The following FCRL4 variants were observed in gnomAD, a reference collection of about 807,000 sequenced individuals.
FCRL4 encodes the protein Fc receptor-like protein 4.
In FCRL4, 43 loss-of-function variants were observed where a neutral mutation model predicts 64.1. The observed-to-expected ratio is 0.67, with a 90% CI of 0.53 to 0.87. The LOEUF (loss-of-function observed/expected upper bound fraction) is 0.87. Ranked by LOEUF, FCRL4 falls within the 40% of genes least tolerant of loss-of-function variation. The probability of loss-of-function intolerance (pLI) is 0.00; values close to 1 mark genes in which losing one functional copy is unlikely to be tolerated. For missense variants in FCRL4, 656 were observed against 613.5 expected, an observed-to-expected ratio of 1.07 and a Z score of -0.73; for synonymous variants, 253 against 239.8, an observed-to-expected ratio of 1.05 and a Z score of -0.51.
chr1:157,580,872 G>T (rs1439298398), intron 7 of FCRL4, among the ~76,000 whole-genome samples: 1 of 152,228 alleles, frequency 6.6e-6, no homozygotes, highest in African/African-American at 2.4e-5. Flanking sequence ...AAAAGGTTCT[G>T]CTCCTGTCTT....
rs72007539 is a variant in FCRL4, at chr1:157,585,344, C to CTTTCTTTCTTTCTTTCTT, written c.1135+823_1135+824insAAGAAAGAAAGAAAGAAA. Among the ~76,000 whole-genome samples, 4 of 81,318 alleles carry CTTTCTTTCTTTCTTTCTT rather than the reference C, an allele frequency of 4.9e-5. 1 individual carries two copies. Among genetic ancestry groups the CTTTCTTTCTTTCTTTCTT allele is most frequent in the African/African-American group, 8.8e-5 (2 of 22,778 alleles). The allele number at this position is 81,318 out of a possible 152,430, so 53.3% of individuals were successfully genotyped here. On this transcript the variant is annotated intron_variant, in intron 6 of 11. Coordinates refer to ENST00000271532, the MANE Select transcript of FCRL4 (RefSeq NM_031282.3). ...CTTCCTTCTCTCTTTCTTTCTCTCT[C>CTTTCTTTCTTTCTTTCTT]TCTTTCTTTCTTTCTTTCTTTCTTT...
chr1:157,596,349 C>A lies in FCRL4; in HGVS notation c.32-1G>T. The stretch of plus-strand genomic sequence containing the variant: ...TTACCAGATTGTCCACAGACTGGAG[C>A]TGAAAGAGAGTAAAGAGCCAGCCAT... On this transcript the variant is annotated splice_acceptor_variant, in intron 1 of 11. Coordinates refer to ENST00000271532, the MANE Select transcript of FCRL4 (RefSeq NM_031282.3). LOFTEE classifies it high-confidence loss of function. 6.2e-7 allele frequency: 1 copy of A among 1,613,952 alleles called. No individual in the cohort carries two copies. Among genetic ancestry groups the A allele is most frequent in the Non-Finnish European group, 8.5e-7 (1 of 1,179,934 alleles).
chr1:157,590,738 C>G (rs906806428), intron 2 of FCRL4, among the ~76,000 whole-genome samples: 1 of 152,086 alleles, frequency 6.6e-6, no homozygotes, highest in African/African-American at 2.4e-5. Flanking sequence ...AGGATGGTCT[C>G]TATCTCCTGA....
Position 157,587,313 on chromosome 1 carries a change from G to A in FCRL4, c.810C>T (p.Ile270=), listed in dbSNP as rs111769827. The change falls in exon 5 of 12, where the codon ATC becomes ATT. Residue 270 remains isoleucine, a synonymous_variant. Coordinates refer to ENST00000271532, the MANE Select transcript of FCRL4 (RefSeq NM_031282.3). ...WCGAETVRGN[I]HKHSPSLQIH... ...TCTGTAGCGAGGGACTGTGCTTGTG[G>A]ATGTTACCCCTCACTGTTTCAGCAC... 6.2e-7 allele frequency: 1 copy of A among 1,614,072 alleles called. No homozygotes were observed. The highest frequency in any genetic ancestry group is 8.5e-7 in the Non-Finnish European group (1 of 1,180,034).
Position 157,598,018 on chromosome 1 carries a change from C to T in FCRL4, c.-74G>A, listed in dbSNP as rs113311460. 23,313 of 1,089,740 alleles carry T rather than the reference C, an allele frequency of 0.021. 385 individuals are homozygous for T. Among genetic ancestry groups the T allele is most frequent in the Middle Eastern group, 0.051 (257 of 5,000 alleles). 67.5% of individuals were successfully genotyped at this position (1,089,740 alleles called of 1,614,324 possible). On this transcript the variant is annotated 5_prime_UTR_variant, in exon 1 of 12. The change creates a new upstream start codon in the 5' untranslated region. Transcript: ENST00000271532. ...GTCAGCCCAGATTGCCAAAGCAGCA[C>T]TTGCCTACACCAGCACCAGCAGTGA... is the stretch of plus-strand genomic sequence containing the variant.
In FCRL4 at chr1:157,597,778, A is replaced by C. The variant is rs556340641; in HGVS notation, c.31+136T>G. On this transcript the variant is annotated intron_variant, in intron 1 of 11. Coordinates refer to ENST00000271532, the MANE Select transcript of FCRL4 (RefSeq NM_031282.3). ...TTTCCCCTTCTACCAGTAAATCATT[A>C]TCTTTCCTTTTTGTTCATTTTCTGC... 6 of 613,444 alleles carry C rather than the reference A, an allele frequency of 9.8e-6. No individual in the cohort carries two copies. The South Asian group carries it at 1.3e-4, about 14-fold the overall frequency. 38.0% of individuals were successfully genotyped at this position (613,444 alleles called of 1,614,324 possible).
At chr1:157,589,945 G>C (rs1353322587) in intron 2 of FCRL4, among the ~76,000 whole-genome samples, 1 of 152,164 alleles carries the variant, frequency 6.6e-6, no homozygotes, top group African/African-American at 2.4e-5. Context: ...AATAGGAAAA[G>C]TCTAAAAGCA....
rs922793244 is a variant in FCRL4, at chr1:157,575,174, A to G, written c.*350T>C. 1.2e-5 allele frequency: 4 copies of G among 341,874 alleles called. No homozygotes were observed. The highest frequency in any genetic ancestry group is 8.2e-5 in the African/African-American group (4 of 48,574). The allele number at this position is 341,874 out of a possible 1,614,324, so 21.2% of individuals were successfully genotyped here. A position where few individuals can be genotyped will look rare whatever the true frequency, so the allele number is the denominator to read the frequency against. On this transcript the variant is annotated 3_prime_UTR_variant, in exon 12 of 12. Coordinates refer to ENST00000271532, the MANE Select transcript of FCRL4 (RefSeq NM_031282.3). Reference sequence around the variant, plus strand: ...GTCTTTTTCATCTCTGCAAATCCCAATTCACCAAAATTTGTGCTTCTGTTT... The same window carrying G: ...GTCTTTTTCATCTCTGCAAATCCCAGTTCACCAAAATTTGTGCTTCTGTTT...
intron 2 of FCRL4, among the ~76,000 whole-genome samples, chr1:157,589,960 A>G (rs1652802776): frequency 2.6e-5 from 4 of 152,248 alleles, no homozygotes; most frequent in Non-Finnish European, 5.9e-5. Flanking sequence ...AAAGCAAGGC[A>G]CAAGTTTTCC....
chr1:157,592,951 C>T (rs186105595), intron 2 of FCRL4, among the ~76,000 whole-genome samples: 135 of 152,260 alleles, frequency 8.9e-4, no homozygotes, highest in Non-Finnish European at 1.6e-3. Flanking sequence ...ATGGATGAAG[C>T]TGGAAACCAT....
At chr1:157,584,872 G>T (rs1246890846) in intron 6 of FCRL4, among the ~76,000 whole-genome samples, 1 of 150,858 alleles carries the variant, frequency 6.6e-6, no homozygotes, top group East Asian at 2.0e-4. Flanking sequence ...AAATTTAGAA[G>T]TTGGAAATAT....
At chr1:157,593,722 G>C (rs933046688) in intron 2 of FCRL4, among the ~76,000 whole-genome samples, 1 of 152,248 alleles carries the variant, frequency 6.6e-6, no homozygotes, top group East Asian at 1.9e-4. Flanking sequence ...TTTCTGAGCT[G>C]GGAGGAGATT....
rs1652691500 is a variant in FCRL4 at position 157,586,321 on chromosome 1, T to C, written c.982A>G (p.Met328Val). The change falls in exon 6 of 12, where the codon ATG (methionine) becomes GTG (valine). Residue 328 changes from methionine (M) to valine (V), a missense_variant. Coordinates refer to ENST00000271532, the MANE Select transcript of FCRL4 (RefSeq NM_031282.3). ...DTTFSWHRED[M>V]QESLGRKTQR... is the part of the protein sequence containing the mutation. Reference sequence around the variant, plus strand: ...GTTTTCCTCCCCAGACTCTCCTGCATGTCCTCTCGGTGCCAGGAGAATGTG... The same window carrying C: ...GTTTTCCTCCCCAGACTCTCCTGCACGTCCTCTCGGTGCCAGGAGAATGTG... The C allele has an allele frequency of 1.9e-6, 3 of 1,613,944 alleles. No homozygotes were observed. The highest frequency in any genetic ancestry group is 1.1e-5 in the South Asian group (1 of 91,054).
chr1:157,577,035 C>T (rs1422929625), intron 10 of FCRL4, among the ~76,000 whole-genome samples: 1 of 152,132 alleles, frequency 6.6e-6, no homozygotes, highest in Non-Finnish European at 1.5e-5. Flanking sequence ...GAGAGAATTG[C>T]TTGTTTCCTT....
At chr1:157,578,687 T>C (rs1450417104) in intron 9 of FCRL4, 83 bp downstream of exon 9, 5 of 1,460,436 alleles carry the variant, frequency 3.4e-6, no homozygotes, top group Non-Finnish European at 4.8e-6. Context: ...CTTTAGGGAG[T>C]CCAGGGGCAT....
chr1:157,584,834 T>G (rs182068645), intron 6 of FCRL4, among the ~76,000 whole-genome samples: 2 of 152,208 alleles, frequency 1.3e-5, no homozygotes, highest in Admixed American at 1.3e-4. Context: ...GTATAAACAG[T>G]GCAGCTGTTT....
chr1:157,597,813 A>T (rs1389106464), intron 1 of FCRL4, 101 bp downstream of exon 1: 1 of 835,084 alleles, frequency 1.2e-6, no homozygotes, highest in East Asian at 2.7e-5. Context: ...CTGTTCTAAA[A>T]TGGGAGTAAA....
Position 157,587,569 on chromosome 1 carries a change from A to C in FCRL4, c.563-9T>G. The C allele has an allele frequency of 1.2e-6, 2 of 1,611,680 alleles. No homozygotes were observed. Among genetic ancestry groups the C allele is most frequent in the East Asian group, 2.2e-5 (1 of 44,860 alleles). On this transcript the variant is annotated splice_polypyrimidine_tract_variant and intron_variant, in intron 4 of 11. Transcript: ENST00000271532. Reference sequence around the variant, plus strand: ...TGGATGTGGAAATAGTTCTAGAGAGAAGAGGTAAGTCAAGTTCTGAGCACG... The same window carrying C: ...TGGATGTGGAAATAGTTCTAGAGAGCAGAGGTAAGTCAAGTTCTGAGCACG...
At chr1:157,597,730 C>T (rs182674414) in intron 1 of FCRL4, among the ~76,000 whole-genome samples, 184 bp downstream of exon 1, 108 of 152,334 alleles carry the variant, frequency 7.1e-4, no homozygotes, top group African/African-American at 2.5e-3. Context: ...AGAAATACAT[C>T]TTTGGAAATC....
Sources: allele counts gnomAD v4.1 joint callset (sites outside exome capture counted in the v4.1 genomes callset), GRCh38; gene constraint gnomAD v4.1.1; transcripts MANE v1.5; gene names NCBI Gene and HGNC (gene_info 2026-07-23, HGNC 2026-07-21).